The following C5orf34 variants were observed in gnomAD, a reference collection of about 807,000 sequenced individuals.
The protein encoded by C5orf34 is uncharacterized protein C5orf34.
Under a neutral mutation model 78.4 loss-of-function variants are expected in C5orf34, and 73 were observed. The observed-to-expected ratio is 0.93, with a 90% CI of 0.77 to 1.13. The LOEUF (loss-of-function observed/expected upper bound fraction) is 1.13. C5orf34 is among the 50% of genes most tolerant of loss of function. The probability of loss-of-function intolerance (pLI) is 0.00; values close to 1 mark genes in which losing one functional copy is unlikely to be tolerated. For missense variants in C5orf34, 730 were observed against 732.7 expected (o/e 1.00, Z 0.04); for synonymous variants, 251 against 246.6 (o/e 1.02, Z -0.17).
rs142249379 is a variant in C5orf34 at position 43,509,731 on chromosome 5, C to G, written c.-36-356G>C. ...GTTTACTCCAATGCAGGAACATAAC[C>G]AAGAAGAAATCTAATTTCTTTTTGT... On this transcript the variant is annotated intron_variant, in intron 1 of 12. Coordinates refer to ENST00000306862, the MANE Select transcript of C5orf34 (RefSeq NM_198566.4). Among the ~76,000 whole-genome samples the G allele has an allele frequency of 6.8e-3, 1,037 of 152,170 alleles. 3 individuals carry two copies. Among genetic ancestry groups the G allele is most frequent in the Non-Finnish European group, 9.7e-3 (660 of 67,988 alleles).
chr5:43,505,702 T>G, intron 4 of C5orf34, 46 bp downstream of exon 4: 1 of 1,497,116 alleles, frequency 6.7e-7, no homozygotes, highest in Non-Finnish European at 8.9e-7. Flanking sequence ...AGGTTAAGAC[T>G]GGTTCTGATA....
At chr5:43,494,363 T>G in intron 7 of C5orf34, 147 bp downstream of exon 7, 1 of 465,748 alleles carries the variant, frequency 2.1e-6, no homozygotes, top group East Asian at 3.2e-5. Context: ...TTTTATAAAT[T>G]ATGACACCAA....
intron 4 of C5orf34, chr5:43,505,478 T>C: frequency 5.5e-6 from 2 of 362,176 alleles, no homozygotes; most frequent in Non-Finnish European, 9.9e-6. Flanking sequence ...TAAGTTGCTA[T>C]AAAGCAGGGA....
Position 43,503,681 on chromosome 5 carries a change from T to C in C5orf34, c.1012A>G (p.Lys338Glu). Residue 338 changes from lysine to glutamate, a missense_variant, in exon 5 of 13, where the codon AAA becomes GAA. Transcript: ENST00000306862. ...YPELVKMVWYKGVTYRLTHQN... is the reference protein window; with the variant it reads ...YPELVKMVWYEGVTYRLTHQN... The stretch of plus-strand genomic sequence containing the variant: ...GTGCCTTACCTATATGTAACACCTT[T>C]GTACCAAACCATTTTCACTAGTTCA... 6.2e-7 allele frequency: 1 copy of C among 1,612,098 alleles called. No homozygotes were observed. Among genetic ancestry groups the C allele is most frequent in the South Asian group, 1.1e-5 (1 of 91,034 alleles).
intron 7 of C5orf34, 110 bp from the exon 8 acceptor site, chr5:43,493,722 C>T (rs1745382298): frequency 6.4e-6 from 4 of 626,752 alleles, no homozygotes; most frequent in Non-Finnish European, 1.1e-5. Context: ...ATCATTTTCA[C>T]TGAAATGTGT....
At chr5:43,494,488 C>G (rs1745415477) in intron 7 of C5orf34, 22 bp downstream of exon 7, 1 of 1,490,586 alleles carries the variant, frequency 6.7e-7, no homozygotes. Context: ...ACATTTGATT[C>G]AATTGAATGG....
At chr5:43,509,602 C>T (rs9885467) in intron 1 of C5orf34, among the ~76,000 whole-genome samples, 61,003 of 151,966 alleles carry the variant, frequency 0.4, 14,525 homozygotes, top group East Asian at 0.78. Flanking sequence ...GAAGAGACAA[C>T]CACAAGTGAT....
chr5:43,487,307 G>A (rs1745106133), intron 12 of C5orf34, among the ~76,000 whole-genome samples, 196 bp from the exon 13 acceptor site: 1 of 152,104 alleles, frequency 6.6e-6, no homozygotes, highest in Admixed American at 6.5e-5. Flanking sequence ...AAGGGAGGGG[G>A]AAAGAGAATA....
At position 43,508,590 on chromosome 5, in the gene C5orf34, G is replaced by T. The variant is rs1746090993; in HGVS notation, c.272C>A (p.Ser91Tyr). ...TAAAAAAATCACCTTTTTTCTTTCA[G>T]AAGGTATGATGGTTTCAGATAAAAA... ...CPFLSETIIPSERKKHIFIDI... is the reference protein window; with the variant it reads ...CPFLSETIIPYERKKHIFIDI... The change falls in exon 3 of 13, where the codon TCT (serine) becomes TAT (tyrosine). Residue 91 changes from serine to tyrosine, a missense_variant. Ser to Tyr is a moderately radical substitution (Grantham distance 144). Transcript: ENST00000306862. The T allele has an allele frequency of 6.3e-7, 1 of 1,595,976 alleles. No individual in the cohort carries two copies.
Position 43,509,253 on chromosome 5 carries a change from G to A in C5orf34, c.87C>T (p.Pro29=). Reference sequence around the variant, plus strand: ...TTTCAAATAAAAATTCAGAGCCACAGGGAGAAAGTTGCAATGTGGAACCAT... The same window carrying A: ...TTTCAAATAAAAATTCAGAGCCACAAGGAGAAAGTTGCAATGTGGAACCAT... ...YVDGSTLQLS[P]CGSEFLFEKS... Residue 29 remains proline (P), a synonymous_variant, in exon 2 of 13, where the codon CCC becomes CCT. Transcript: ENST00000306862. 1.2e-6 allele frequency: 2 copies of A among 1,614,016 alleles called. No individual in the cohort carries two copies. Among genetic ancestry groups the A allele is most frequent in the Non-Finnish European group, 1.7e-6 (2 of 1,179,872 alleles).
intron 1 of C5orf34, among the ~76,000 whole-genome samples, 180 bp from the exon 2 acceptor site, chr5:43,509,555 C>G (rs192322862): frequency 6.6e-6 from 1 of 151,982 alleles, no homozygotes; most frequent in African/African-American, 2.4e-5. Context: ...CCTTAATTAA[C>G]CCCTAGAAGT....
chr5:43,501,669 T>TA (rs1478046129), intron 6 of C5orf34, among the ~76,000 whole-genome samples: 3 of 152,142 alleles, frequency 2.0e-5, no homozygotes, highest in South Asian at 2.1e-4. Context: ...TTTCCATAGT[T>TA]AAAAAAATCT....
At chr5:43,495,630 C>A in intron 6 of C5orf34, 1 of 1,602,144 alleles carries the variant, frequency 6.2e-7, no homozygotes, top group Non-Finnish European at 8.6e-7. Flanking sequence ...AAGGTGACCA[C>A]CACACCAGGT....
At chr5:43,510,426 CCTCCCT>C (rs1013657537) in intron 1 of C5orf34, among the ~76,000 whole-genome samples, 3 of 152,216 alleles carry the variant, frequency 2.0e-5, no homozygotes, top group East Asian at 1.9e-4. Flanking sequence ...AGTTGGGTTT[CCTCCCT>C]CTCCCTCTCC....
intron 4 of C5orf34, among the ~76,000 whole-genome samples, chr5:43,504,137 C>T (rs1038511446): frequency 3.9e-5 from 6 of 152,078 alleles, no homozygotes; most frequent in Admixed American, 3.3e-4. Context: ...ATGGTGAAAA[C>T]CCGTCTCTAC....
At chr5:43,511,329 CGCCCCGTCCG>C in intron 1 of C5orf34, 1 of 153,226 alleles carries the variant, frequency 6.5e-6, no homozygotes, top group East Asian at 2.4e-4. Flanking sequence ...GCCCGGCAGC[CGCCCCGTCCG>C]GCAGCCGCCC....
At chr5:43,497,565 AC>A (rs913492471) in intron 6 of C5orf34, among the ~76,000 whole-genome samples, 5 of 152,270 alleles carry the variant, frequency 3.3e-5, no homozygotes, top group South Asian at 4.1e-4. Flanking sequence ...TCTGCCTCTT[AC>A]CAACTATAAT....
At position 43,505,777 on chromosome 5, in the gene C5orf34, T is replaced by G; in HGVS notation, c.903A>C (p.Ser301=). 1 of 1,592,218 alleles carries G rather than the reference T, an allele frequency of 6.3e-7. No homozygotes were observed. Reference sequence around the variant, plus strand: ...GTAGGTGTGGGACTGGACAGCTGAGTGACAGGGCCCTGGGAAGAACAGAAA... The same window carrying G: ...GTAGGTGTGGGACTGGACAGCTGAGGGACAGGGCCCTGGGAAGAACAGAAA... ...KVVSVLPRAL[S]LSCPVPHLHR... is the part of the protein sequence containing the mutation. The change falls in exon 4 of 13, where the codon TCA becomes TCC. Residue 301 remains serine, a synonymous_variant. Transcript: ENST00000306862.
At chr5:43,513,193 T>C (rs1310968525) in intron 1 of C5orf34, among the ~76,000 whole-genome samples, 1 of 152,172 alleles carries the variant, frequency 6.6e-6, no homozygotes, top group Non-Finnish European at 1.5e-5. Flanking sequence ...TTTAACCACA[T>C]GGTCTCTCCT....
Sources: allele counts gnomAD v4.1 joint callset (sites outside exome capture counted in the v4.1 genomes callset), GRCh38; gene constraint gnomAD v4.1.1; transcripts MANE v1.5; gene names NCBI Gene and HGNC (gene_info 2026-07-23, HGNC 2026-07-21).